Variants in GAS2L2 observed in about 807,000 individuals in gnomAD.
The protein encoded by GAS2L2 is GAS2-like protein 2.
In GAS2L2, 21 loss-of-function variants were observed where a neutral mutation model predicts 35.2. The ratio of observed to expected loss-of-function variants is 0.60; its 90% CI spans 0.42 to 0.86. GAS2L2 has a LOEUF of 0.86. Among genes scored for constraint, GAS2L2 ranks in the 40% least tolerant of loss-of-function variants. GAS2L2 has a pLI of 0.00. For synonymous variants in GAS2L2, 490 were observed against 473.2 expected, an observed-to-expected ratio of 1.04 and a Z score of -0.46; for missense variants, 1,169 against 1,144.4, an observed-to-expected ratio of 1.02 and a Z score of -0.31.
rs782459490 is a variant in GAS2L2 at position 35,746,315 on chromosome 17, G to A, written c.1182C>T (p.Asp394=). 6.4e-6 allele frequency: 9 copies of A among 1,402,664 alleles called. No individual in the cohort carries two copies. The highest frequency in any genetic ancestry group is 8.4e-6 in the Non-Finnish European group (9 of 1,073,504). The allele number at this position is 1,402,664 out of a possible 1,614,324, so 86.9% of individuals were successfully genotyped here. The change falls in exon 6 of 6, where the codon GAC becomes GAT. Residue 394 remains aspartate (D), a synonymous_variant. Coordinates refer to ENST00000604641, the MANE Select transcript of GAS2L2 (RefSeq NM_139285.4). ...TCTTTCCTGACGAGGTACACTGTGG[G>A]TCTCGGCCTTTTTGGGTAGATGAGG... ...PQSSSTQKGR[D]PQCTSSGKRE...
At position 35,750,331 on chromosome 17, in the gene GAS2L2, C is replaced by T. The variant is rs1555599627; in HGVS notation, c.386-13G>A. 3 of 1,613,766 alleles carry T rather than the reference C, an allele frequency of 1.9e-6. No homozygotes were observed. Among genetic ancestry groups the T allele is most frequent in the South Asian group, 1.1e-5 (1 of 91,032 alleles). On this transcript the variant is annotated splice_polypyrimidine_tract_variant and intron_variant, in intron 1 of 5. Transcript: ENST00000604641. ...AACATCAGCACCTCTGGAGTGGAGG[C>T]GGGGAGAAAAGGGCAGAGGCAGCGT...
Position 35,745,817 on chromosome 17 carries a change from C to T in GAS2L2, c.1680G>A (p.Glu560=). Residue 560 remains glutamate, a synonymous_variant, in exon 6 of 6, where the codon GAG becomes GAA. Transcript: ENST00000604641. ...TGACCTGGATGTCCAGCTGCTGGTC[C>T]TCCTGCCTCACTTCCACAGAGCAGT... ...HGDCSVEVRQ[E]DQQLDIQVMA... is the part of the protein sequence containing the mutation. 6.2e-7 allele frequency: 1 copy of T among 1,613,858 alleles called. No homozygotes were observed. Among genetic ancestry groups the T allele is most frequent in the Admixed American group, 1.7e-5 (1 of 60,036 alleles).
In GAS2L2 at chr17:35,744,825, T is replaced by C. The variant is rs369130936; in HGVS notation, c.*29A>G. 1.7e-3 allele frequency: 2,520 copies of C among 1,512,872 alleles called. 2 individuals are homozygous for C. The highest frequency in any genetic ancestry group is 2.1e-3 in the Non-Finnish European group (2,396 of 1,117,674). The allele number at this position is 1,512,872 out of a possible 1,614,324, so 93.7% of individuals were successfully genotyped here. On this transcript the variant is annotated 3_prime_UTR_variant, in exon 6 of 6. Transcript: ENST00000604641. ...GTGTATACATGGCCATCCTTTTTGC[T>C]TCCCTCCTACCCAACACGCTCATGT...
chr17:35,746,059 C>T lies in GAS2L2; in HGVS notation c.1438G>A (p.Gly480Ser). 2 of 1,528,750 alleles carry T rather than the reference C, an allele frequency of 1.3e-6. No homozygotes were observed. The highest frequency in any genetic ancestry group is 1.8e-4 in the Middle Eastern group (1 of 5,636). The allele number at this position is 1,528,750 out of a possible 1,614,324, so 94.7% of individuals were successfully genotyped here. ...LRLPLRDEAK[G>S]AFFQFREPES... The stretch of plus-strand genomic sequence containing the variant: ...GGCTCCCTGAACTGGAAGAACGCAC[C>T]CTTGGCCTCATCCCGGAGTGGCAGC... The change falls in exon 6 of 6, where the codon GGT becomes AGT. Residue 480 changes from glycine to serine, a missense_variant. Coordinates refer to ENST00000604641, the MANE Select transcript of GAS2L2 (RefSeq NM_139285.4).
chr17:35,750,136 G>T lies in GAS2L2; in HGVS notation c.568C>A (p.Pro190Thr). 1.2e-6 allele frequency: 2 copies of T among 1,604,432 alleles called. No homozygotes were observed. The highest frequency in any genetic ancestry group is 1.7e-6 in the Non-Finnish European group (2 of 1,177,138). The change falls in exon 2 of 6, where the codon CCC (proline) becomes ACC (threonine). Residue 190 changes from proline to threonine, a missense_variant. By Grantham distance (38) the Pro-to-Thr change is conservative. Coordinates refer to ENST00000604641, the MANE Select transcript of GAS2L2 (RefSeq NM_139285.4). The part of the protein sequence containing the change: ...RRELALPPPD[P>T]SPPAPPRRQP... ...CGCCTGGGGGGCGCTGGCGGCGAGG[G>T]GTCGGGCGGGGGCAGGGCCAGCTCC...
At position 35,746,372 on chromosome 17, in the gene GAS2L2, C is replaced by G; in HGVS notation, c.1125G>C (p.Pro375=). ...GGCTGGGTGGGCTGTCCCCAGCTGT[C>G]GGCTGCCTCCAAGATGGGATGAGAG... is the stretch of plus-strand genomic sequence containing the variant. ...ERSLIPSWRQ[P]TAGDSPPSPQ... The change falls in exon 6 of 6, where the codon CCG becomes CCC. Residue 375 remains proline, a synonymous_variant. Transcript: ENST00000604641. 1 of 1,347,986 alleles carries G rather than the reference C, an allele frequency of 7.4e-7. No homozygotes were observed. The highest frequency in any genetic ancestry group is 2.8e-5 in the South Asian group (1 of 35,874). The allele number at this position is 1,347,986 out of a possible 1,614,324, so 83.5% of individuals were successfully genotyped here.
chr17:35,748,011 G>GGGCTT, intron 3 of GAS2L2, 66 bp from the exon 4 acceptor site: 1 of 1,222,074 alleles, frequency 8.2e-7, no homozygotes, highest in African/African-American at 1.5e-5. Flanking sequence ...ACCAGCTCGC[G>GGGCTT]GGCTTCCGGC....
rs1270399519 is a variant in GAS2L2 at position 35,744,565 on chromosome 17, G to T, written c.*289C>A. 2.6e-6 allele frequency: 1 copy of T among 380,126 alleles called. No individual in the cohort carries two copies. The highest frequency in any genetic ancestry group is 2.0e-5 in the African/African-American group (1 of 50,476). 23.5% of individuals were successfully genotyped at this position (380,126 alleles called of 1,614,324 possible). ...CTTATGGGAGTTATGGAAACAGGTG[G>T]GCATGGCCAGGGGCCAGAGGCCAGG... is the stretch of plus-strand genomic sequence containing the variant. On this transcript the variant is annotated 3_prime_UTR_variant, in exon 6 of 6. Transcript: ENST00000604641.
At position 35,745,541 on chromosome 17, in the gene GAS2L2, G is replaced by T; in HGVS notation, c.1956C>A (p.Asp652Glu). The change falls in exon 6 of 6, where the codon GAC becomes GAA. Residue 652 changes from aspartate to glutamate, a missense_variant. Coordinates refer to ENST00000604641, the MANE Select transcript of GAS2L2 (RefSeq NM_139285.4). ...GQWPEPGGPY[D>E]KAIQELAQGS... ...CCTGAGCCAGTTCTTGGATGGCTTT[G>T]TCATAAGGACCCCCAGGCTCAGGCC... The T allele has an allele frequency of 2.5e-6, 4 of 1,613,238 alleles. No individual in the cohort carries two copies. The highest frequency in any genetic ancestry group is 3.4e-6 in the Non-Finnish European group (4 of 1,179,652).
chr17:35,744,875 A>G lies in GAS2L2; in HGVS notation c.2622T>C (p.Pro874=), dbSNP rs782243606. The part of the protein sequence containing the change: ...PHWLNQAPLP[P]EEESWV ...TGCCTCAGACCCAGGACTCCTCCTC[A>G]GGTGGAAGTGGAGCTTGATTAAGCC... Residue 874 remains proline, a synonymous_variant, in exon 6 of 6, where the codon CCT becomes CCC. Coordinates refer to ENST00000604641, the MANE Select transcript of GAS2L2 (RefSeq NM_139285.4). The G allele has an allele frequency of 2.5e-6, 4 of 1,595,062 alleles. No individual in the cohort carries two copies. Among genetic ancestry groups the G allele is most frequent in the Non-Finnish European group, 3.4e-6 (4 of 1,170,378 alleles).
In GAS2L2 at chr17:35,750,083, G is replaced by T. The variant is rs1490723058; in HGVS notation, c.621C>A (p.Asp207Glu). 6.2e-7 allele frequency: 1 copy of T among 1,603,018 alleles called. No homozygotes were observed. Among genetic ancestry groups the T allele is most frequent in the East Asian group, 2.2e-5 (1 of 44,742 alleles). The stretch of plus-strand genomic sequence containing the variant: ...CGTGTGCAGAGCCCCTCACCATCTG[G>T]TCCAGGTTGCGGAAGTGGCAGGGCT... ...RRQPCHFRNLDQMVQSLVSHC... is the reference protein window; with the variant it reads ...RRQPCHFRNLEQMVQSLVSHC... Residue 207 changes from aspartate (D) to glutamate (E), a missense_variant, in exon 2 of 6, where the codon GAC (aspartate) becomes GAA (glutamate). Physicochemically the swap from Asp to Glu is conservative, Grantham distance 45. Around this residue, in one of 3 missense-constraint regions of GAS2L2, gnomAD observed 1,035 missense variants for 976.5 expected, o/e 1.06. Transcript: ENST00000604641.
At chr17:35,748,819 G>A (rs2085685445) in intron 3 of GAS2L2, among the ~76,000 whole-genome samples, 1 of 152,176 alleles carries the variant, frequency 6.6e-6, no homozygotes, top group Non-Finnish European at 1.5e-5. Context: ...GGAGAGGGAG[G>A]GTGGTGGCTC....
At position 35,746,244 on chromosome 17, in the gene GAS2L2, G is replaced by A; in HGVS notation, c.1253C>T (p.Thr418Ile). The change falls in exon 6 of 6, where the codon ACA (threonine) becomes ATA (isoleucine). Residue 418 changes from threonine (T) to isoleucine (I), a missense_variant. This residue lies in a region of GAS2L2 where 1,035 missense variants were observed against 976.5 expected (regional missense o/e 1.06). Transcript: ENST00000604641. ...GTCTGTTTCTTCATGAACCCAAGAT[G>A]TGGGAATCCTTCCCCTGGGGAGTTC... ...PPELPRGRIP[T>I]SWVHEETDSW... is the part of the protein sequence containing the mutation. The A allele has an allele frequency of 6.8e-7, 1 of 1,472,816 alleles. No homozygotes were observed. The highest frequency in any genetic ancestry group is 9.0e-7 in the Non-Finnish European group (1 of 1,110,794). The allele number at this position is 1,472,816 out of a possible 1,614,324, so 91.2% of individuals were successfully genotyped here.
At chr17:35,748,047 T>A (rs1250661790) in intron 3 of GAS2L2, 102 bp from the exon 4 acceptor site, 1 of 777,168 alleles carries the variant, frequency 1.3e-6, no homozygotes, top group Admixed American at 2.1e-5. Context: ...CTCTCATCCA[T>A]GTACCCATCC....
Position 35,750,234 on chromosome 17 carries a change from C to A in GAS2L2, c.470G>T (p.Arg157Leu), listed in dbSNP as rs587614866. 8 of 1,613,842 alleles carry A rather than the reference C, an allele frequency of 5.0e-6. No individual in the cohort carries two copies. In the South Asian group the frequency reaches 8.8e-5, roughly 18 times the overall value. ...CGCCGCAACACCAAAGCGCCACGCC[C>A]GGCGGCCCAGCTCCAGCAAACACAG... ...VVLCLLELGR[R>L]AWRFGVAAPT... The change falls in exon 2 of 6, where the codon CGG (arginine) becomes CTG (leucine). Residue 157 changes from arginine (R) to leucine (L), a missense_variant. Arg to Leu is a moderately radical substitution (Grantham distance 102). Coordinates refer to ENST00000604641, the MANE Select transcript of GAS2L2 (RefSeq NM_139285.4).
chr17:35,750,348 A>G (rs782527333), intron 1 of GAS2L2, 30 bp from the exon 2 acceptor site: 18 of 1,613,740 alleles, frequency 1.1e-5, no homozygotes, highest in Non-Finnish European at 1.4e-5. Context: ...AAAAGGGCAG[A>G]GGCAGCGTGA....
At chr17:35,746,876 G>T in intron 5 of GAS2L2, 140 bp downstream of exon 5, 2 of 778,166 alleles carry the variant, frequency 2.6e-6, no homozygotes, top group Non-Finnish European at 4.1e-6. Context: ...AAGGTACTGG[G>T]TATGCTTCTG....
At position 35,750,299 on chromosome 17, in the gene GAS2L2, C is replaced by T. The variant is rs782407917; in HGVS notation, c.405G>A (p.Thr135=). The T allele has an allele frequency of 3.1e-6, 5 of 1,613,854 alleles. No individual in the cohort carries two copies. Among genetic ancestry groups the T allele is most frequent in the South Asian group, 1.1e-5 (1 of 91,052 alleles). The change falls in exon 2 of 6, where the codon ACG becomes ACA. Residue 135 remains threonine (T), a synonymous_variant. Coordinates refer to ENST00000604641, the MANE Select transcript of GAS2L2 (RefSeq NM_139285.4). ...MGIQEVLMFE[T]EDLVLRKNVK... Reference sequence around the variant, plus strand: ...CGTTCTTGCGCAGCACCAAGTCCTCCGTCTCGAACATCAGCACCTCTGGAG... The same window carrying T: ...CGTTCTTGCGCAGCACCAAGTCCTCTGTCTCGAACATCAGCACCTCTGGAG...
Position 35,745,823 on chromosome 17 carries a change from C to A in GAS2L2, c.1674G>T (p.Arg558Ser), listed in dbSNP as rs782537924. 4 of 1,613,762 alleles carry A rather than the reference C, an allele frequency of 2.5e-6. No homozygotes were observed. Among genetic ancestry groups the A allele is most frequent in the Non-Finnish European group, 3.4e-6 (4 of 1,180,048 alleles). The change falls in exon 6 of 6, where the codon AGG (arginine) becomes AGT (serine). Residue 558 changes from arginine to serine, a missense_variant. Physicochemically the swap from Arg to Ser is moderately radical, Grantham distance 110. Transcript: ENST00000604641. ...STHGDCSVEV[R>S]QEDQQLDIQV... is the part of the protein sequence containing the mutation. ...GGATGTCCAGCTGCTGGTCCTCCTG[C>A]CTCACTTCCACAGAGCAGTCCCCAT...
Sources: allele counts gnomAD v4.1 joint callset (sites outside exome capture counted in the v4.1 genomes callset), GRCh38; gene constraint gnomAD v4.1.1; regional missense constraint gnomAD v4.1.1; transcripts MANE v1.5; gene names NCBI Gene and HGNC (gene_info 2026-07-23, HGNC 2026-07-21).